The following RANBP2 variants were observed in gnomAD, a reference collection of about 807,000 sequenced individuals.
RANBP2 encodes RAN binding protein 2.
Under a neutral mutation model 303.6 loss-of-function variants are expected in RANBP2, and 57 were observed. The ratio of observed to expected loss-of-function variants is 0.19; its 90% CI spans 0.15 to 0.23. The LOEUF (loss-of-function observed/expected upper bound fraction) is 0.23. Ranked by LOEUF, RANBP2 falls within the 10% of genes least tolerant of loss-of-function variation. The pLI, the probability that RANBP2 is intolerant of heterozygous loss-of-function variation, is 1.00. For synonymous variants in RANBP2, 1,167 were observed against 1,301.5 expected, an observed-to-expected ratio of 0.90 and a Z score of 2.23; for missense variants, 3,138 against 3,780.8, an observed-to-expected ratio of 0.83 and a Z score of 4.46.
the RANBP2 span, among the ~76,000 whole-genome samples, chr2:109,166,039 A>C: frequency 2.0e-5 from 3 of 152,068 alleles, no homozygotes; most frequent in African/African-American, 7.2e-5. Flanking sequence ...CTGTAGATAC[A>C]TACCTTGGTG....
chr2:109,578,849 C>T, the RANBP2 span, among the ~76,000 whole-genome samples: 2 of 151,788 alleles, frequency 1.3e-5, no homozygotes, highest in African/African-American at 4.8e-5. Context: ...GCCACGCTTA[C>T]AGGGTAGTTT....
chr2:109,358,962 G>A, the RANBP2 span, among the ~76,000 whole-genome samples: 97 of 152,234 alleles, frequency 6.4e-4, no homozygotes, highest in African/African-American at 2.2e-3. Flanking sequence ...ATTTTTGTGA[G>A]GGGTGGAATG....
chr2:109,298,428 G>A, the RANBP2 span, among the ~76,000 whole-genome samples: 8 of 152,242 alleles, frequency 5.3e-5, no homozygotes, highest in South Asian at 1.7e-3. Context: ...TGGTCTGTGG[G>A]TCATTGAAGG....
the RANBP2 span, among the ~76,000 whole-genome samples, chr2:109,117,728 G>A: frequency 1.1e-4 from 16 of 152,344 alleles, no homozygotes; most frequent in Admixed American, 6.5e-5. Context: ...CTTCTGCGTC[G>A]CTCACGTTGG....
chr2:108,831,408 A>G, the RANBP2 span, among the ~76,000 whole-genome samples: 2 of 152,232 alleles, frequency 1.3e-5, no homozygotes, highest in African/African-American at 4.8e-5. Context: ...CATTCAAAAG[A>G]TAAGAAAAAG....
chr2:109,436,519 G>T, the RANBP2 span, among the ~76,000 whole-genome samples: 1 of 152,244 alleles, frequency 6.6e-6, no homozygotes, highest in Non-Finnish European at 1.5e-5. Context: ...CAATGTGCTG[G>T]ATGTGTCAAG....
the RANBP2 span, among the ~76,000 whole-genome samples, chr2:108,870,041 A>G: frequency 2.6e-5 from 4 of 152,242 alleles, no homozygotes; most frequent in Admixed American, 1.3e-4. Context: ...ATGAGAAATA[A>G]TGAAATCAGG....
At chr2:108,789,509 A>T (rs1679546709), downstream of RANBP2, among the ~76,000 whole-genome samples, 1 of 152,168 alleles carries the variant, frequency 6.6e-6, no homozygotes. Context: ...CAGGAGAATC[A>T]CTTGAACCCG....
At chr2:109,251,588 A>C in the RANBP2 span, 5 of 943,402 alleles carry the variant, frequency 5.3e-6, no homozygotes, top group Non-Finnish European at 8.8e-6. Flanking sequence ...CAACAGAACA[A>C]TATTGGAATG....
the RANBP2 span, among the ~76,000 whole-genome samples, chr2:108,957,082 G>A: frequency 7.2e-5 from 11 of 152,208 alleles, no homozygotes; most frequent in Non-Finnish European, 1.5e-4. Flanking sequence ...GAGCCGCCAC[G>A]CCCAGCCAAG....
chr2:109,715,827 G>A, the RANBP2 span, among the ~76,000 whole-genome samples: 1 of 152,148 alleles, frequency 6.6e-6, no homozygotes, highest in South Asian at 2.1e-4. Context: ...TTTGAGCTAT[G>A]TGCCAGGAAA....
the RANBP2 span, among the ~76,000 whole-genome samples, chr2:108,821,818 G>A: frequency 6.6e-6 from 1 of 151,368 alleles, no homozygotes; most frequent in African/African-American, 2.4e-5. Flanking sequence ...AGTGGTGGGT[G>A]CCTATAATCC....
the RANBP2 span, among the ~76,000 whole-genome samples, chr2:109,281,166 A>G: frequency 6.6e-6 from 1 of 152,238 alleles, no homozygotes; most frequent in Non-Finnish European, 1.5e-5. Flanking sequence ...CACCTGCACA[A>G]TGCAGTGAGT....
the RANBP2 span, among the ~76,000 whole-genome samples, chr2:108,887,751 T>G: frequency 6.6e-6 from 1 of 152,196 alleles, no homozygotes; most frequent in African/African-American, 2.4e-5. Context: ...CTCAATTTAT[T>G]TATTAGATAA....
the RANBP2 span, among the ~76,000 whole-genome samples, chr2:109,081,789 A>C: frequency 6.6e-6 from 1 of 152,158 alleles, no homozygotes; most frequent in Non-Finnish European, 1.5e-5. Flanking sequence ...TTTTGCAACC[A>C]CAGTGCCTGG....
chr2:108,800,638 T>TTTTTTTTTTTTA, the RANBP2 span, among the ~76,000 whole-genome samples: 23 of 73,768 alleles, frequency 3.1e-4, 2 homozygotes, highest in Non-Finnish European at 3.5e-4. Context: ...TTTTTTTTTT[T>TTTTTTTTTTTTA]AATTATACTT....
chr2:109,529,904 C>T, the RANBP2 span, among the ~76,000 whole-genome samples: 1 of 152,232 alleles, frequency 6.6e-6, no homozygotes, highest in Non-Finnish European at 1.5e-5. Context: ...ATTCTCCCCA[C>T]ACTGCTGTTT....
the RANBP2 span, among the ~76,000 whole-genome samples, chr2:109,165,860 C>G: frequency 1.1e-3 from 161 of 152,320 alleles, 1 homozygote; most frequent in African/African-American, 3.7e-3. Flanking sequence ...ATTCAGTGCT[C>G]TACGTGTGCC....
At chr2:109,061,905 A>G in the RANBP2 span, among the ~76,000 whole-genome samples, 1 of 152,124 alleles carries the variant, frequency 6.6e-6, no homozygotes, top group Non-Finnish European at 1.5e-5. Flanking sequence ...CATTCCCAGC[A>G]GTGGGGGTCA....
Sources: gnomAD v4.1 joint callset for allele counts (sites outside exome capture counted in the v4.1 genomes callset) on GRCh38, gnomAD v4.1.1 for gene constraint, MANE v1.5 for transcripts, NCBI Gene and HGNC (gene_info 2026-07-23, HGNC 2026-07-21) for gene names.